The following CERS6 variants were observed in gnomAD, a reference collection of about 807,000 sequenced individuals.
The protein encoded by CERS6 is ceramide synthase 6.
CERS6 carries 26 observed loss-of-function variants against 56.8 expected under a neutral mutation model. That is an observed-to-expected ratio of 0.46 (90% confidence interval 0.34 to 0.63). CERS6 has a LOEUF of 0.63. CERS6 is among the 30% of genes least tolerant of loss of function. The probability of loss-of-function intolerance (pLI) is 0.01; values close to 1 mark genes in which losing one functional copy is unlikely to be tolerated. For missense variants in CERS6, 415 were observed against 467.5 expected, an observed-to-expected ratio of 0.89 and a Z score of 1.04; for synonymous variants, 164 against 173.3, an observed-to-expected ratio of 0.95 and a Z score of 0.42.
intron 2 of CERS6, among the ~76,000 whole-genome samples, chr2:168,551,175 T>A (rs1325443249): frequency 6.6e-6 from 1 of 152,220 alleles, no homozygotes; most frequent in Non-Finnish European, 1.5e-5. Context: ...ACAGCACAGG[T>A]CACATGCCCT....
chr2:168,561,196 C>T lies in CERS6; in HGVS notation c.281C>T (p.Pro94Leu). 1 of 1,613,510 alleles carries T rather than the reference C, an allele frequency of 6.2e-7. No homozygotes were observed. Among genetic ancestry groups the T allele is most frequent in the South Asian group, 1.1e-5 (1 of 91,032 alleles). The part of the protein sequence containing the change: ...EKVFTAITKH[P>L]DEKRLEGLSK... ...TTCTGGTACCTTGTTTCATAGCATC[C>T]TGATGAAAAGAGATTGGAAGGCCTC... The change falls in exon 3 of 10, where the codon CCT becomes CTT. Residue 94 changes from proline (P) to leucine (L), a missense_variant. By Grantham distance (98) the Pro-to-Leu change is moderately conservative (BLOSUM62 -3). Transcript: ENST00000305747.
chr2:168,508,767 G>A (rs1000765089), intron 1 of CERS6, among the ~76,000 whole-genome samples: 13 of 152,082 alleles, frequency 8.5e-5, no homozygotes, highest in Non-Finnish European at 1.5e-5. Context: ...TGTAGATGAT[G>A]GGTTGATGGG....
intron 4 of CERS6, among the ~76,000 whole-genome samples, chr2:168,659,594 A>G (rs1241751875): frequency 6.6e-6 from 1 of 152,200 alleles, no homozygotes; most frequent in Non-Finnish European, 1.5e-5. Flanking sequence ...CATCTCTTCA[A>G]TGTATCCAGT....
chr2:168,458,591 G>A (rs367799670), intron 1 of CERS6, among the ~76,000 whole-genome samples: 1 of 152,302 alleles, frequency 6.6e-6, no homozygotes, highest in African/African-American at 2.4e-5. Flanking sequence ...GTCAGTCACA[G>A]CAAATGTCCT....
At chr2:168,634,713 C>T (rs1239082440) in intron 4 of CERS6, among the ~76,000 whole-genome samples, 2 of 152,196 alleles carry the variant, frequency 1.3e-5, no homozygotes, top group Non-Finnish European at 2.9e-5. Context: ...ACACCCGACA[C>T]ATGTGGTACA....
chr2:168,764,979 T>C (rs1191706360), intron 8 of CERS6, among the ~76,000 whole-genome samples: 1 of 152,232 alleles, frequency 6.6e-6, no homozygotes, highest in Non-Finnish European at 1.5e-5. Context: ...AAGTTCCCTT[T>C]CAATGGATGA....
intron 1 of CERS6, among the ~76,000 whole-genome samples, chr2:168,469,801 ACT>A (rs1326076053): frequency 3.3e-5 from 5 of 152,160 alleles, no homozygotes; most frequent in Non-Finnish European, 5.9e-5. Context: ...ACTGTCAGAC[ACT>A]GTTTCATGGC....
At chr2:168,577,285 T>C (rs1683298064) in intron 3 of CERS6, among the ~76,000 whole-genome samples, 1 of 152,036 alleles carries the variant, frequency 6.6e-6, no homozygotes, top group Admixed American at 6.6e-5. Context: ...GAAGAAGACA[T>C]TCATCGTTGG....
chr2:168,537,864 T>C (rs1172087669), intron 1 of CERS6, among the ~76,000 whole-genome samples: 1 of 152,202 alleles, frequency 6.6e-6, no homozygotes, highest in Non-Finnish European at 1.5e-5. Flanking sequence ...CTAATAAGCA[T>C]AACCTCAGAC....
chr2:168,519,464 C>G (rs953969591), intron 1 of CERS6, among the ~76,000 whole-genome samples: 9 of 152,080 alleles, frequency 5.9e-5, no homozygotes, highest in African/African-American at 2.2e-4. Flanking sequence ...TTCTAATGAT[C>G]TGTCACCCAA....
At chr2:168,470,630 AGT>A (rs953681259) in intron 1 of CERS6, among the ~76,000 whole-genome samples, 20 of 152,258 alleles carry the variant, frequency 1.3e-4, no homozygotes, top group African/African-American at 4.8e-4. Flanking sequence ...GCCTTCACCC[AGT>A]GTGTGTTAAG....
chr2:168,767,801 A>G (rs926426196), intron 9 of CERS6, among the ~76,000 whole-genome samples: 9 of 152,314 alleles, frequency 5.9e-5, no homozygotes, highest in African/African-American at 1.7e-4. Context: ...GGAAAGCGCC[A>G]GTTAATTCTG....
chr2:168,506,108 C>T (rs147651872), intron 1 of CERS6, among the ~76,000 whole-genome samples: 12 of 152,264 alleles, frequency 7.9e-5, no homozygotes, highest in East Asian at 1.9e-4. Flanking sequence ...CCAATTCATG[C>T]GGCCTTCTAG....
chr2:168,677,597 A>G (rs1686097225), intron 4 of CERS6, among the ~76,000 whole-genome samples: 1 of 152,100 alleles, frequency 6.6e-6, no homozygotes, highest in East Asian at 1.9e-4. Flanking sequence ...TCCCAGGTTC[A>G]AGTGATTCTC....
At chr2:168,504,761 A>G (rs1042389512) in intron 1 of CERS6, among the ~76,000 whole-genome samples, 4 of 152,126 alleles carry the variant, frequency 2.6e-5, no homozygotes, top group African/African-American at 9.7e-5. Context: ...TGCAGGGGCT[A>G]GTGCAAGGGA....
chr2:168,598,135 T>C (rs1244169562), intron 3 of CERS6, among the ~76,000 whole-genome samples: 2 of 152,240 alleles, frequency 1.3e-5, no homozygotes, highest in African/African-American at 4.8e-5. Flanking sequence ...GCCTTAAGTA[T>C]TTGTTAAATT....
In CERS6 at chr2:168,474,438, A is replaced by G. The variant is rs1043319391; in HGVS notation, c.170+17820A>G. 3.9e-5 allele frequency among the ~76,000 whole-genome samples: 6 copies of G among 152,238 alleles called. No individual in the cohort carries two copies. In the East Asian group the frequency reaches 9.6e-4, roughly 24 times the overall value. The stretch of plus-strand genomic sequence containing the variant: ...AAACCTTTCAAGAAAAATTATACCA[A>G]TTGACATCCCTACCAACGCAGTATG... On this transcript the variant is annotated intron_variant, in intron 1 of 9. Coordinates refer to ENST00000305747, the MANE Select transcript of CERS6 (RefSeq NM_203463.3).
intron 3 of CERS6, among the ~76,000 whole-genome samples, chr2:168,616,276 A>G (rs1459385715): frequency 6.6e-6 from 1 of 152,242 alleles, no homozygotes; most frequent in Non-Finnish European, 1.5e-5. Context: ...TCTTTAAAGC[A>G]TAAATCTCAC....
At chr2:168,744,346 T>C (rs1684032882) in intron 8 of CERS6, among the ~76,000 whole-genome samples, 1 of 152,060 alleles carries the variant, frequency 6.6e-6, no homozygotes, top group Non-Finnish European at 1.5e-5. Flanking sequence ...TTATATGAAC[T>C]ACATGTGGGT....
Sources: allele counts gnomAD v4.1 joint callset (sites outside exome capture counted in the v4.1 genomes callset), GRCh38; gene constraint gnomAD v4.1.1; transcripts MANE v1.5; gene names NCBI Gene and HGNC (gene_info 2026-07-23, HGNC 2026-07-21).